Variants in DHX8 observed in about 807,000 individuals in gnomAD.
DHX8 encodes the protein ATP-dependent RNA helicase DHX8.
A neutral mutation model predicts 140.7 loss-of-function variants in DHX8; 67 were observed. That is an observed-to-expected ratio of 0.48 (90% CI 0.39 to 0.58). DHX8 has a LOEUF of 0.58. Among genes scored for constraint, DHX8 ranks in the 20% least tolerant of loss-of-function variants. The probability of loss-of-function intolerance (pLI) is 0.00; values close to 1 mark genes in which losing one functional copy is unlikely to be tolerated. For missense variants in DHX8, 887 were observed against 1,550.7 expected (o/e 0.57, Z 7.19); for synonymous variants, 533 against 553.2 (o/e 0.96, Z 0.51).
intron 3 of DHX8, among the ~76,000 whole-genome samples, chr17:43,538,870 CTG>C (rs1287714185): frequency 3.3e-5 from 5 of 152,148 alleles, no homozygotes; most frequent in Admixed American, 2.0e-4. Flanking sequence ...AATGGGGAAA[CTG>C]ATAAAATGCC....
At chr17:43,513,135 A>G (rs960856847) in intron 16 of DHX8, among the ~76,000 whole-genome samples, 1 of 152,100 alleles carries the variant, frequency 6.6e-6, no homozygotes, top group Non-Finnish European at 1.5e-5. Context: ...GCTTTTTCCT[A>G]TTCCACTCAC....
At chr17:43,527,641 A>T (rs1258791023), downstream of DHX8, among the ~76,000 whole-genome samples, 2 of 152,210 alleles carry the variant, frequency 1.3e-5, no homozygotes, top group African/African-American at 4.8e-5. Flanking sequence ...CTCACACAGT[A>T]ATGCTGGGAA....
At position 43,507,943 on chromosome 17, in the gene DHX8, C is replaced by T; in HGVS notation, c.2244C>T (p.Tyr748=). The T allele has an allele frequency of 6.2e-7, 1 of 1,614,158 alleles. No individual in the cohort carries two copies. The highest frequency in any genetic ancestry group is 8.5e-7 in the Non-Finnish European group (1 of 1,180,034). ...GAACATATCCAGTGGAAATACTGTA[C>T]ACAAAGGAACCTGAGACAGATTATC... ...PGRTYPVEIL[Y]TKEPETDYLD... is the part of the protein sequence containing the mutation. The change falls in exon 15 of 23, where the codon TAC becomes TAT. Residue 748 remains tyrosine (Y), a synonymous_variant. Transcript: ENST00000262415.
intron 12 of DHX8, among the ~76,000 whole-genome samples, chr17:43,506,272 C>G (rs1446803230): frequency 7.3e-5 from 11 of 151,432 alleles, no homozygotes; most frequent in Admixed American, 7.2e-4. Flanking sequence ...TCCCAAAGTG[C>G]TAGGATTACA....
Position 43,485,460 on chromosome 17 carries a change from C to G in DHX8, c.148+1275C>G, listed in dbSNP as rs527419068. ...CCAGTATATTTTAGTTTACTTTTTT[C>G]TCTTGCCTCCCAGCCAAGATGTGTC... is the stretch of plus-strand genomic sequence containing the variant. On this transcript the variant is annotated intron_variant, in intron 1 of 22. Transcript: ENST00000262415. Among the ~76,000 whole-genome samples, 14 of 152,260 alleles carry G rather than the reference C, an allele frequency of 9.2e-5. 1 individual carries two copies. Among genetic ancestry groups the G allele is most frequent in the African/African-American group, 3.4e-4 (14 of 41,534 alleles).
At position 43,513,344 on chromosome 17, in the gene DHX8, T is replaced by G. The variant is rs1969946505; in HGVS notation, c.2503-18T>G. 6.2e-7 allele frequency: 1 copy of G among 1,611,376 alleles called. No individual in the cohort carries two copies. The highest frequency in any genetic ancestry group is 2.2e-5 in the East Asian group (1 of 44,700). ...GAGCCTGGGCACCTCACTCCAGCTT[T>G]GCCCCTCTTGCCTGCAGGTTGTGAT... On this transcript the variant is annotated intron_variant, in intron 16 of 22. Transcript: ENST00000262415.
At chr17:43,509,280 C>G (rs1969671851) in intron 16 of DHX8, among the ~76,000 whole-genome samples, 2 of 152,142 alleles carry the variant, frequency 1.3e-5, no homozygotes, top group African/African-American at 4.8e-5. Context: ...ATTCTAAGGA[C>G]ACAGAACTAT....
intron 3 of DHX8, among the ~76,000 whole-genome samples, chr17:43,540,356 G>A (rs1971460037): frequency 1.3e-5 from 2 of 152,212 alleles, no homozygotes; most frequent in Admixed American, 1.3e-4. Flanking sequence ...TGGAGGCTGA[G>A]ACAGGAGAAT....
rs772684874 is a variant in DHX8 at position 43,500,121 on chromosome 17, G to T, written c.1546+18G>T. The T allele has an allele frequency of 3.1e-6, 5 of 1,610,002 alleles. No individual in the cohort carries two copies. Among genetic ancestry groups the T allele is most frequent in the Non-Finnish European group, 4.2e-6 (5 of 1,177,832 alleles). On this transcript the variant is annotated intron_variant, in intron 11 of 22. Transcript: ENST00000262415. ...GCCTGATGGTAGGACCCTTGGAGGGGTGTATGGACCTTGTTTAAAAATCTG... is the reference window on the plus strand; with the variant it reads ...GCCTGATGGTAGGACCCTTGGAGGGTTGTATGGACCTTGTTTAAAAATCTG...
At chr17:43,526,519 T>C (rs1243346154), downstream of DHX8, 1 of 1,535,712 alleles carries the variant, frequency 6.5e-7, no homozygotes, top group Non-Finnish European at 8.7e-7. Flanking sequence ...CTCCCTGTGG[T>C]TGCTGTAGCT....
chr17:43,504,753 A>G lies in DHX8; in HGVS notation c.1656A>G (p.Lys552=), dbSNP rs1377318702. 5.6e-6 allele frequency: 9 copies of G among 1,614,206 alleles called. 1 individual carries two copies. The highest frequency in any genetic ancestry group is 3.3e-4 in the Middle Eastern group (2 of 6,060). Residue 552 remains lysine, a synonymous_variant, in exon 12 of 23, where the codon AAA becomes AAG. Coordinates refer to ENST00000262415, the MANE Select transcript of DHX8 (RefSeq NM_004941.3). The part of the protein sequence containing the change: ...AFGGNKASYG[K]KTQMSILEQR... ...GGGGCAACAAAGCCTCTTACGGAAA[A>G]AAGACCCAGATGTCAATCCTTGAGC...
intron 4 of DHX8, among the ~76,000 whole-genome samples, chr17:43,491,885 T>C (rs186690003): frequency 6.6e-6 from 1 of 152,352 alleles, no homozygotes; most frequent in Admixed American, 6.5e-5. Context: ...TTTAAAATTT[T>C]TAACACCTGT....
chr17:43,533,934 CGGGGA>C, intron 2 of DHX8: 1 of 1,561,536 alleles, frequency 6.4e-7, no homozygotes, highest in East Asian at 2.4e-5. Flanking sequence ...CGGGTCTGTG[CGGGGA>C]CTCTGGGGCT....
chr17:43,512,279 C>T (rs1364987569), intron 16 of DHX8, among the ~76,000 whole-genome samples: 3 of 150,792 alleles, frequency 2.0e-5, no homozygotes, highest in African/African-American at 4.9e-5. Context: ...CTCAGCTACT[C>T]GGGAGGCTGA....
In DHX8 at chr17:43,492,968, T is replaced by A. The variant is rs761508884; in HGVS notation, c.791T>A (p.Ile264Asn). The change falls in exon 6 of 23, where the codon ATT becomes AAT. Residue 264 changes from isoleucine to asparagine, a missense_variant. Ile to Asn is a moderately radical substitution (Grantham distance 149). Transcript: ENST00000262415. ...VDRPPPEEPT[I>N]GDIYNGKVTS... ...CGCCCTCCTCCAGAAGAGCCCACCA[T>A]TGGTGACATTTATAATGGCAAAGTT... 1 of 1,614,174 alleles carries A rather than the reference T, an allele frequency of 6.2e-7. No individual in the cohort carries two copies. Among genetic ancestry groups the A allele is most frequent in the East Asian group, 2.2e-5 (1 of 44,884 alleles).
intron 2 of DHX8, chr17:43,536,251 G>A (rs1231688983): frequency 1.5e-6 from 1 of 674,494 alleles, no homozygotes; most frequent in Admixed American, 2.4e-5. Context: ...GCAAGAACAT[G>A]TCAAGCCCCA....
intron 8 of DHX8, among the ~76,000 whole-genome samples, chr17:43,495,031 C>T (rs1968774676): frequency 6.6e-6 from 1 of 151,922 alleles, no homozygotes; most frequent in Non-Finnish European, 1.5e-5. Context: ...CCAGGCTAGT[C>T]TTGAACTCCT....
intron 17 of DHX8, among the ~76,000 whole-genome samples, chr17:43,514,336 T>C (rs1970006270): frequency 6.6e-6 from 1 of 152,124 alleles, no homozygotes; most frequent in South Asian, 2.1e-4. Context: ...CAGAGCAGAC[T>C]GTGTCTCTAA....
chr17:43,490,399 T>C lies in DHX8; in HGVS notation c.243T>C (p.Leu81=), dbSNP rs773534155. The C allele has an allele frequency of 1.9e-6, 3 of 1,613,500 alleles. No homozygotes were observed. Among genetic ancestry groups the C allele is most frequent in the Admixed American group, 3.3e-5 (2 of 59,790 alleles). ...TATGTTTCTTTTCAAAGGATTCTCT[T>C]ATTAGTAACTTGCTGCGTCTCATAC... is the stretch of plus-strand genomic sequence containing the variant. ...VKNGAEFTDS[L]ISNLLRLIQT... is the part of the protein sequence containing the mutation. The change falls in exon 3 of 23, where the codon CTT becomes CTC. Residue 81 remains leucine (L), a synonymous_variant. Coordinates refer to ENST00000262415, the MANE Select transcript of DHX8 (RefSeq NM_004941.3).
Sources: allele counts gnomAD v4.1 joint callset (sites outside exome capture counted in the v4.1 genomes callset), GRCh38; gene constraint gnomAD v4.1.1; transcripts MANE v1.5; gene names NCBI Gene and HGNC (gene_info 2026-07-23, HGNC 2026-07-21).